The following NXN variants were observed in gnomAD, a reference collection of about 807,000 sequenced individuals.
NXN encodes the protein nucleoredoxin 1.
A neutral mutation model predicts 48.6 loss-of-function variants in NXN; 16 were observed. That is an observed-to-expected ratio of 0.33 (90% CI 0.22 to 0.50). The LOEUF is 0.50. Ranked by LOEUF, NXN falls within the 20% of genes least tolerant of loss-of-function variation. The probability of loss-of-function intolerance (pLI) is 0.98; values close to 1 mark genes in which losing one functional copy is unlikely to be tolerated. For synonymous variants in NXN, 281 were observed against 269.6 expected, an observed-to-expected ratio of 1.04 and a Z score of -0.41; for missense variants, 492 against 605.5, an observed-to-expected ratio of 0.81 and a Z score of 1.97.
intron 1 of NXN, among the ~76,000 whole-genome samples, chr17:947,883 C>CAAAAAAAAAA (rs71145800): frequency 1.7e-5 from 2 of 119,248 alleles, no homozygotes; most frequent in African/African-American, 3.3e-5. Context: ...TACTGAAATA[C>CAAAAAAAAAA]AAAAAAAAAA....
At chr17:901,188 T>TGGG (rs1156334406) in intron 1 of NXN, among the ~76,000 whole-genome samples, 10 of 152,098 alleles carry the variant, frequency 6.6e-5, no homozygotes, top group African/African-American at 2.4e-4. Flanking sequence ...CCCAAAGTGA[T>TGGG]GGGATTACAG....
chr17:841,955 G>A (rs1368740772), intron 1 of NXN, among the ~76,000 whole-genome samples: 1 of 152,100 alleles, frequency 6.6e-6, no homozygotes, highest in African/African-American at 2.4e-5. Context: ...TGGTCAACAT[G>A]GTGAAATCTG....
intron 1 of NXN, among the ~76,000 whole-genome samples, chr17:884,441 T>C (rs775507086): frequency 1.4e-3 from 212 of 151,786 alleles, no homozygotes; most frequent in Non-Finnish European, 2.4e-3. Context: ...ACAGAGAGAT[T>C]CGGGGAACTG....
chr17:969,307 C>A (rs1307567965), intron 1 of NXN, among the ~76,000 whole-genome samples: 1 of 152,138 alleles, frequency 6.6e-6, no homozygotes, highest in East Asian at 1.9e-4. Context: ...AGAACTGGCC[C>A]CAAAGTCACA....
At chr17:836,168 A>G (rs1035086134) in intron 1 of NXN, among the ~76,000 whole-genome samples, 2 of 151,850 alleles carry the variant, frequency 1.3e-5, no homozygotes, top group African/African-American at 4.8e-5. Context: ...CAGAGGCCGC[A>G]GGGAAATGCA....
chr17:836,472 G>A (rs1913831496), intron 1 of NXN, among the ~76,000 whole-genome samples: 2 of 152,118 alleles, frequency 1.3e-5, no homozygotes, highest in African/African-American at 4.8e-5. Flanking sequence ...AGCCCTAAAT[G>A]TGCTCTCACC....
At chr17:905,372 T>C (rs186866150) in intron 1 of NXN, 3 of 151,772 alleles carry the variant, frequency 2.0e-5, no homozygotes, top group Admixed American at 1.3e-4. Flanking sequence ...GAGCTAAGAA[T>C]GCACCACCAC....
chr17:837,949 A>G (rs1467202290), intron 1 of NXN, among the ~76,000 whole-genome samples: 1 of 152,096 alleles, frequency 6.6e-6, no homozygotes, highest in Non-Finnish European at 1.5e-5. Flanking sequence ...ACAAAACAAC[A>G]TGTCCACTCT....
chr17:828,191 C>G (rs1221335042), intron 1 of NXN, among the ~76,000 whole-genome samples: 3 of 152,086 alleles, frequency 2.0e-5, no homozygotes, highest in African/African-American at 4.8e-5. Flanking sequence ...GCAACCTCCA[C>G]CTCTCAGGTT....
intron 1 of NXN, among the ~76,000 whole-genome samples, chr17:926,536 T>G (rs1392566768): frequency 4.4e-5 from 4 of 91,946 alleles, no homozygotes; most frequent in African/African-American, 6.4e-5. Context: ...TGTTTTTTGT[T>G]TTTTTTTTGT....
intron 1 of NXN, among the ~76,000 whole-genome samples, chr17:842,117 CAG>C (rs1195627707): frequency 5.9e-5 from 9 of 152,126 alleles, no homozygotes; most frequent in Admixed American, 5.9e-4. Flanking sequence ...GCCTGGGCGA[CAG>C]AGAGAGACTC....
At position 805,020 on chromosome 17, in the gene NXN, T is replaced by TC. The variant is rs768574349; in HGVS notation, c.1000+47dup. 136 of 1,512,676 alleles carry TC rather than the reference T, an allele frequency of 9.0e-5. No individual in the cohort carries two copies. The Middle Eastern group carries it at 9.4e-4, about 10-fold the overall frequency. The allele number at this position is 1,512,676 out of a possible 1,614,324, so 93.7% of individuals were successfully genotyped here. On this transcript the variant is annotated intron_variant, in intron 6 of 7. Transcript: ENST00000336868. ...CTCCTCCCAAGTGAGGCCCCTCCTG[T>TC]CCCGCCCCCCAGCCACCCCTCGCCC...
intron 1 of NXN, among the ~76,000 whole-genome samples, chr17:898,277 ACTGC>A (rs2068508226): frequency 1.3e-5 from 2 of 151,886 alleles, no homozygotes; most frequent in Admixed American, 1.3e-4. Flanking sequence ...TGGGGGAAAA[ACTGC>A]CCCAGTTGAG....
Position 919,785 on chromosome 17 carries a change from C to A in NXN, c.360+59534G>T, listed in dbSNP as rs549165295. 1.6e-3 allele frequency among the ~76,000 whole-genome samples: 248 copies of A among 152,250 alleles called. 1 individual carries two copies. The highest frequency in any genetic ancestry group is 1.1e-3 in the Non-Finnish European group (76 of 68,014). ...GGGCAGAGCGGTCCGGCACAAAACACCAGGAAACGCTCTCCCTTCCATCAT... is the reference window on the plus strand; with the variant it reads ...GGGCAGAGCGGTCCGGCACAAAACAACAGGAAACGCTCTCCCTTCCATCAT... On this transcript the variant is annotated intron_variant, in intron 1 of 7. Coordinates refer to ENST00000336868, the MANE Select transcript of NXN (RefSeq NM_022463.5). The surrounding 1 kb of genome is among the most constrained non-coding windows in gnomAD (Gnocchi z 5.1).
intron 5 of NXN, among the ~76,000 whole-genome samples, chr17:812,926 GTGTGTGAGTGTGCATA>G (rs1567813056): frequency 6.6e-6 from 1 of 150,772 alleles, no homozygotes; most frequent in Non-Finnish European, 1.5e-5. Flanking sequence ...AGGTGTGTGC[GTGTGTGAGTGTGCATA>G]TGTGTGAGTG....
intron 1 of NXN, among the ~76,000 whole-genome samples, chr17:897,976 T>G (rs1217768247): frequency 2.6e-5 from 4 of 152,200 alleles, no homozygotes; most frequent in Non-Finnish European, 5.9e-5. Context: ...CCCCTGCTGC[T>G]GGCCAGTTAA....
chr17:885,414 T>G (rs978383443), intron 1 of NXN, among the ~76,000 whole-genome samples: 2 of 151,074 alleles, frequency 1.3e-5, no homozygotes, highest in Non-Finnish European at 2.9e-5. Context: ...GAGGTGGAGG[T>G]TGCAGTGAGC....
At chr17:871,991 T>C (rs2068159584) in intron 1 of NXN, among the ~76,000 whole-genome samples, 1 of 152,126 alleles carries the variant, frequency 6.6e-6, no homozygotes, top group Non-Finnish European at 1.5e-5. Context: ...TCAGACACCA[T>C]GTGTGCTGTG....
At position 843,076 on chromosome 17, in the gene NXN, C is replaced by A. The variant is rs151257151; in HGVS notation, c.361-16998G>T. On this transcript the variant is annotated intron_variant, in intron 1 of 7. Coordinates refer to ENST00000336868, the MANE Select transcript of NXN (RefSeq NM_022463.5). ...AGAAAGAAGGAAGAAAGCAAGCAAGCAAGCTGCACCTTCAGACTGAAGTCA... is the reference window on the plus strand; with the variant it reads ...AGAAAGAAGGAAGAAAGCAAGCAAGAAAGCTGCACCTTCAGACTGAAGTCA... Among the ~76,000 whole-genome samples the A allele has an allele frequency of 8.6e-4, 129 of 150,120 alleles. 1 individual carries two copies. The highest frequency in any genetic ancestry group is 3.2e-3 in the African/African-American group (129 of 40,228).
Sources: gnomAD v4.1 joint callset for allele counts (sites outside exome capture counted in the v4.1 genomes callset) on GRCh38, gnomAD v4.1.1 for gene constraint, Gnocchi (gnomAD v3.1) non-coding constraint, MANE v1.5 for transcripts, NCBI Gene and HGNC (gene_info 2026-07-23, HGNC 2026-07-21) for gene names.